MIA2: variants seen among roughly 807,000 people sequenced by gnomAD.
MIA2 encodes melanoma inhibitory activity protein 2.
MIA2 carries 127 observed loss-of-function variants against 167.8 expected under a neutral mutation model. The observed-to-expected ratio is 0.76, with a 90% CI of 0.66 to 0.88. The LOEUF is 0.88. Ranked by LOEUF, MIA2 falls within the 40% of genes least tolerant of loss-of-function variation. MIA2 has a pLI of 0.00. For synonymous variants in MIA2, 552 were observed against 541.9 expected (o/e 1.02, Z -0.26); for missense variants, 1,690 against 1,624.7 (o/e 1.04, Z -0.69).
chr14:39,364,087 C>T (rs932317251), intron 23 of MIA2, among the ~76,000 whole-genome samples: 27 of 152,094 alleles, frequency 1.8e-4, no homozygotes, highest in East Asian at 5.8e-4. Flanking sequence ...GGGCCGGGCA[C>T]GGTGGCTTAT....
chr14:39,267,301 C>T (rs1454017087), intron 6 of MIA2: 6 of 1,474,228 alleles, frequency 4.1e-6, no homozygotes, highest in African/African-American at 2.8e-5. Context: ...GCGGGTGCCC[C>T]TGTCCCCCAG....
chr14:39,239,440 G>T (rs771624756), intron 2 of MIA2, among the ~76,000 whole-genome samples: 38 of 152,124 alleles, frequency 2.5e-4, no homozygotes, highest in Non-Finnish European at 5.0e-4. Flanking sequence ...AGCTACTTCA[G>T]AGGCTGAGGG....
At chr14:39,308,915 C>T (rs2063771793) in intron 18 of MIA2, among the ~76,000 whole-genome samples, 1 of 152,178 alleles carries the variant, frequency 6.6e-6, no homozygotes, top group Non-Finnish European at 1.5e-5. Flanking sequence ...AATTCCATCT[C>T]TGATATATGT....
intron 23 of MIA2, among the ~76,000 whole-genome samples, chr14:39,367,343 C>T (rs2074843895): frequency 6.6e-6 from 1 of 152,226 alleles, no homozygotes; most frequent in Admixed American, 6.5e-5. Flanking sequence ...GCTGTTGAGC[C>T]CTAGAGCAGA....
chr14:39,331,896 A>C lies in MIA2; in HGVS notation c.3655+4874A>C, dbSNP rs1020258886. Among the ~76,000 whole-genome samples, 4 of 151,776 alleles carry C rather than the reference A, an allele frequency of 2.6e-5. No individual in the cohort carries two copies. In the East Asian group the frequency reaches 7.7e-4, roughly 29 times the overall value. ...GGCTGCCCTTAACGTTTTTTCCTTC[A>C]TTTCAATGTTGCTGAATCTGACGAT... On this transcript the variant is annotated intron_variant, in intron 25 of 28. Coordinates refer to ENST00000640607, the MANE Select transcript of MIA2 (RefSeq NM_001329214.4).
chr14:39,356,000 T>C (rs1421254446), downstream of MIA2, among the ~76,000 whole-genome samples: 1 of 152,230 alleles, frequency 6.6e-6, no homozygotes, highest in Non-Finnish European at 1.5e-5. Flanking sequence ...TCAGGGATAT[T>C]GGTCTAAAAT....
In MIA2 at chr14:39,348,891, C is replaced by G. The variant is rs200246914; in HGVS notation, c.3986C>G (p.Pro1329Arg). 1.4e-4 allele frequency: 224 copies of G among 1,614,142 alleles called. No individual in the cohort carries two copies. Among genetic ancestry groups the G allele is most frequent in the Non-Finnish European group, 1.9e-4 (221 of 1,180,018 alleles). Residue 1329 changes from proline (P) to arginine (R), a missense_variant, in exon 28 of 29, where the codon CCA (proline) becomes CGA (arginine). Transcript: ENST00000640607. Reference protein sequence around the residue: ...PFLRRGPPFPPPPPGAMFGAS... With the variant: ...PFLRRGPPFPRPPPGAMFGAS... ...TTGAGAAGAGGACCTCCTTTCCCCC[C>G]ACCTCCTCCAGGAGCCATGTTTGGA...
intron 9 of MIA2, among the ~76,000 whole-genome samples, chr14:39,285,196 C>T (rs919289126): frequency 1.1e-4 from 16 of 152,150 alleles, no homozygotes; most frequent in Non-Finnish European, 1.5e-5. Context: ...ATCTTTTCCC[C>T]ACCTTTCCCC....
intron 23 of MIA2, among the ~76,000 whole-genome samples, chr14:39,372,485 C>T (rs955383396): frequency 2.0e-5 from 3 of 152,134 alleles, no homozygotes; most frequent in African/African-American, 7.2e-5. Context: ...GTTTCCAAAT[C>T]GGACCAGGCA....
intron 6 of MIA2, among the ~76,000 whole-genome samples, chr14:39,275,189 AC>A (rs1357332869): frequency 1.0e-5 from 1 of 98,056 alleles, no homozygotes; most frequent in Non-Finnish European, 2.1e-5. Context: ...TTGTTTTGTC[AC>A]CCAGGCTTGA....
Position 39,365,275 on chromosome 14 carries a change from A to C in MIA2, c.2248+16298A>C, listed in dbSNP as rs573030221. The stretch of plus-strand genomic sequence containing the variant: ...GAGACGGGGTTTCACCATGTTGTCC[A>C]GGCTGGTCTCGAACTTCTGACCTCA... On this transcript the variant is annotated intron_variant, in intron 23 of 23. Transcript: ENST00000341502. Among the ~76,000 whole-genome samples the C allele has an allele frequency of 2.0e-5, 3 of 152,244 alleles. No homozygotes were observed. In the East Asian group the frequency reaches 5.8e-4, roughly 29 times the overall value.
At chr14:39,299,253 A>G (rs1595285377) in intron 13 of MIA2, among the ~76,000 whole-genome samples, 1 of 148,966 alleles carries the variant, frequency 6.7e-6, no homozygotes, top group Non-Finnish European at 1.5e-5. Flanking sequence ...AAAAGTATAT[A>G]TAGTAGAATA....
At chr14:39,368,989 C>T (rs1487186884) in intron 23 of MIA2, among the ~76,000 whole-genome samples, 3 of 152,164 alleles carry the variant, frequency 2.0e-5, no homozygotes, top group Non-Finnish European at 2.9e-5. Flanking sequence ...CCATTTGCTT[C>T]TCTTGGGTCT....
At chr14:39,301,633 A>G (rs1299313859) in intron 14 of MIA2, among the ~76,000 whole-genome samples, 1 of 152,240 alleles carries the variant, frequency 6.6e-6, no homozygotes, top group Admixed American at 6.5e-5. Context: ...TTAATCAACA[A>G]AATTCAAAAA....
At chr14:39,385,561 T>C in intron 23 of MIA2, 2 of 819,076 alleles carry the variant, frequency 2.4e-6, no homozygotes, top group South Asian at 2.7e-5. Context: ...TTTCCCAGGT[T>C]CTCTCAAGGC....
intron 3 of MIA2, among the ~76,000 whole-genome samples, chr14:39,243,508 T>G (rs977101996): frequency 6.6e-6 from 1 of 152,160 alleles, no homozygotes. Flanking sequence ...AAAAGGAAGA[T>G]TAATAAGTGA....
intron 21 of MIA2, among the ~76,000 whole-genome samples, chr14:39,316,595 C>T (rs1281250511): frequency 6.6e-6 from 1 of 152,132 alleles, no homozygotes. Flanking sequence ...ATTTCTTAGA[C>T]ATGTTGGAGT....
At chr14:39,261,724 A>C (rs1417986503) in intron 6 of MIA2, among the ~76,000 whole-genome samples, 1 of 152,044 alleles carries the variant, frequency 6.6e-6, no homozygotes, top group Non-Finnish European at 1.5e-5. Flanking sequence ...TTTGATTTGC[A>C]TTTCTCTGAT....
At chr14:39,386,411 T>C in intron 23 of MIA2, 5 of 1,558,210 alleles carry the variant, frequency 3.2e-6, no homozygotes, top group Non-Finnish European at 4.4e-6. Flanking sequence ...CCTTTTGGCT[T>C]TAACAAGGCT....
Sources: gnomAD v4.1 joint callset for allele counts (sites outside exome capture counted in the v4.1 genomes callset) on GRCh38, gnomAD v4.1.1 for gene constraint, MANE v1.5 for transcripts, NCBI Gene and HGNC (gene_info 2026-07-23, HGNC 2026-07-21) for gene names.